The following RHEX variants were observed in gnomAD, a reference collection of about 807,000 sequenced individuals.
RHEX encodes regulator of hemoglobinization and erythroid cell expansion protein.
Under a neutral mutation model 20.1 loss-of-function variants are expected in RHEX, and 18 were observed. That is an observed-to-expected ratio of 0.90 (90% CI 0.62 to 1.33). The LOEUF is 1.33. Among genes scored for constraint, RHEX ranks in the 40% most tolerant of loss-of-function variants. RHEX has a pLI of 0.00. For synonymous variants in RHEX, 87 were observed against 77.1 expected, an observed-to-expected ratio of 1.13 and a Z score of -0.67; for missense variants, 192 against 214.3, an observed-to-expected ratio of 0.90 and a Z score of 0.65.
chr1:206,059,174 C>T (rs1325539376), intron 1 of RHEX, among the ~76,000 whole-genome samples: 3 of 152,106 alleles, frequency 2.0e-5, no homozygotes, highest in Non-Finnish European at 2.9e-5. Context: ...TGCCCTGTGA[C>T]TTGATGCTTC....
intron 1 of RHEX, among the ~76,000 whole-genome samples, chr1:206,095,545 G>A (rs575934379): frequency 9.2e-5 from 14 of 152,034 alleles, no homozygotes; most frequent in East Asian, 3.9e-4. Context: ...GGCTGGGCGC[G>A]GTGGCTCACG....
intron 1 of RHEX, among the ~76,000 whole-genome samples, chr1:206,066,551 A>C (rs1662426670): frequency 6.6e-6 from 1 of 152,224 alleles, no homozygotes; most frequent in Non-Finnish European, 1.5e-5. Flanking sequence ...TGGGACGTCA[A>C]GTTTGCAGTG....
At chr1:206,100,032 G>A (rs940659913) in intron 4 of RHEX, among the ~76,000 whole-genome samples, 37 of 152,282 alleles carry the variant, frequency 2.4e-4, no homozygotes, top group African/African-American at 7.7e-4. Context: ...GGGTTTAGTC[G>A]TGTGCAAATG....
At chr1:206,068,310 T>A (rs1553284354) in intron 1 of RHEX, among the ~76,000 whole-genome samples, 1 of 151,292 alleles carries the variant, frequency 6.6e-6, no homozygotes, top group Admixed American at 6.6e-5. Flanking sequence ...TGAGTTGGGG[T>A]AGGGTGGAGG....
intron 4 of RHEX, 42 bp from the exon 5 acceptor site, chr1:206,101,094 C>T: frequency 6.5e-7 from 1 of 1,544,060 alleles, no homozygotes; most frequent in Non-Finnish European, 8.9e-7. Flanking sequence ...TTAACACCCT[C>T]TGGCTTGCTT....
In RHEX at chr1:206,067,165, A is replaced by G. The variant is rs1443971315; in HGVS notation, c.-97+13900A>G. ...ACACAAAGAGGGGGTACTGAGGCAT[A>G]TCTAACCTCCTATCTCATCAAAGCC... On this transcript the variant is annotated intron_variant, in intron 1 of 5. Coordinates refer to ENST00000331555, the MANE Select transcript of RHEX (RefSeq NM_001007544.4). The surrounding 1 kb of genome is among the most constrained non-coding windows in gnomAD (Gnocchi z 4.6). Among the ~76,000 whole-genome samples the G allele has an allele frequency of 7.2e-5, 11 of 152,200 alleles. No homozygotes were observed. The highest frequency in any genetic ancestry group is 2.9e-5 in the Non-Finnish European group (2 of 68,028).
At chr1:206,100,853 C>A (rs1272017558) in intron 4 of RHEX, among the ~76,000 whole-genome samples, 5 of 152,114 alleles carry the variant, frequency 3.3e-5, no homozygotes, top group African/African-American at 4.8e-5. Context: ...TATTTTTTAA[C>A]ATTAGTTTTA....
intron 1 of RHEX, among the ~76,000 whole-genome samples, chr1:206,071,592 A>T (rs1662530388): frequency 6.6e-6 from 1 of 151,218 alleles, no homozygotes; most frequent in Non-Finnish European, 1.5e-5. Context: ...CACATTTGTC[A>T]TCCCAGCGCT....
At chr1:206,086,140 G>A (rs184795646) in intron 1 of RHEX, among the ~76,000 whole-genome samples, 247 of 152,268 alleles carry the variant, frequency 1.6e-3, no homozygotes, top group African/African-American at 5.2e-3. Flanking sequence ...AACAGGCATT[G>A]TTTAGGACCA....
chr1:206,074,479 A>T (rs1662595028), intron 1 of RHEX, among the ~76,000 whole-genome samples: 1 of 152,228 alleles, frequency 6.6e-6, no homozygotes, highest in African/African-American at 2.4e-5. Flanking sequence ...TCTTTTTAAT[A>T]TTAGCCTTAT....
At chr1:206,071,825 G>C (rs1452429750) in intron 1 of RHEX, among the ~76,000 whole-genome samples, 5 of 149,064 alleles carry the variant, frequency 3.4e-5, no homozygotes, top group African/African-American at 1.2e-4. Context: ...CTCTAGCCTC[G>C]GTAACAAAGT....
At chr1:206,095,879 G>T (rs2102328301) in intron 1 of RHEX, among the ~76,000 whole-genome samples, 1 of 151,972 alleles carries the variant, frequency 6.6e-6, no homozygotes, top group East Asian at 1.9e-4. Flanking sequence ...CACCCAGACT[G>T]GAGTGCAGTG....
At chr1:206,064,714 C>T (rs1196189560) in intron 1 of RHEX, among the ~76,000 whole-genome samples, 6 of 151,680 alleles carry the variant, frequency 4.0e-5, no homozygotes, top group Admixed American at 3.3e-4. Context: ...TGCCTCTGCC[C>T]GGCCGCCCCT....
chr1:206,065,494 G>T (rs1662404918), intron 1 of RHEX, among the ~76,000 whole-genome samples: 1 of 152,144 alleles, frequency 6.6e-6, no homozygotes. Context: ...CCCACAGACT[G>T]GACCAATGGT....
chr1:206,060,843 A>G (rs907621336), intron 1 of RHEX: 1 of 152,344 alleles, frequency 6.6e-6, no homozygotes, highest in East Asian at 1.9e-4. Context: ...AGTGAGTTGA[A>G]CAAGCTGGCC....
chr1:206,095,957 A>C (rs1406635000), intron 1 of RHEX, among the ~76,000 whole-genome samples: 1 of 151,980 alleles, frequency 6.6e-6, no homozygotes, highest in Non-Finnish European at 1.5e-5. Context: ...CCTCCTGAGT[A>C]GCTGAGACTA....
chr1:206,055,375 G>A (rs1054990348), intron 1 of RHEX, among the ~76,000 whole-genome samples: 2 of 152,220 alleles, frequency 1.3e-5, no homozygotes, highest in African/African-American at 2.4e-5. Context: ...TGGTATTGTC[G>A]TGGACCTTTA....
chr1:206,083,227 A>T (rs1252982068), intron 1 of RHEX, among the ~76,000 whole-genome samples: 2 of 152,254 alleles, frequency 1.3e-5, no homozygotes, highest in Non-Finnish European at 2.9e-5. Context: ...GTCTGAGCTC[A>T]TGTGGCACAT....
intron 1 of RHEX, among the ~76,000 whole-genome samples, chr1:206,057,096 A>C (rs562603449): frequency 1.7e-3 from 265 of 152,366 alleles, no homozygotes; most frequent in African/African-American, 6.0e-3. Flanking sequence ...AGAGGTTCAA[A>C]AACGTTCTCC....
Sources: allele counts gnomAD v4.1 joint callset (sites outside exome capture counted in the v4.1 genomes callset), GRCh38; gene constraint gnomAD v4.1.1; non-coding constraint Gnocchi (gnomAD v3.1); transcripts MANE v1.5; gene names NCBI Gene and HGNC (gene_info 2026-07-23, HGNC 2026-07-21).